Variants in SCAF4 observed in about 807,000 individuals in gnomAD.
The protein encoded by SCAF4 is SR-related CTD associated factor 4.
SCAF4 carries 25 observed loss-of-function variants against 129.8 expected under a neutral mutation model. That is an observed-to-expected ratio of 0.19 (90% CI 0.14 to 0.27). The LOEUF (loss-of-function observed/expected upper bound fraction) is 0.27, where lower values mean the gene tolerates loss of function less well. Among genes scored for constraint, SCAF4 ranks in the 10% least tolerant of loss-of-function variants. The pLI, the probability that SCAF4 is intolerant of heterozygous loss-of-function variation, is 1.00. For missense variants in SCAF4, 1,246 were observed against 1,457.1 expected (o/e 0.86, Z 2.36); for synonymous variants, 551 against 497.7 (o/e 1.11, Z -1.43).
Position 31,690,859 on chromosome 21 carries a change from T to C in SCAF4, c.1823A>G (p.Lys608Arg). The C allele has an allele frequency of 3.1e-6, 5 of 1,614,010 alleles. No homozygotes were observed. The highest frequency in any genetic ancestry group is 4.2e-6 in the Non-Finnish European group (5 of 1,179,890). The change falls in exon 15 of 20, where the codon AAG (lysine) becomes AGG (arginine). Residue 608 changes from lysine (K) to arginine (R), a missense_variant. Transcript: ENST00000286835. ...ACAAAAACTCTCCAGTTCCTCAGGCTTGACTTTGTCCCATGGAATATAAGT... is the reference window on the plus strand; with the variant it reads ...ACAAAAACTCTCCAGTTCCTCAGGCCTGACTTTGTCCCATGGAATATAAGT... ...GVTYIPWDKV[K>R]PEELESFCEG...
Position 31,696,682 on chromosome 21 carries a change from G to A in SCAF4, c.846C>T (p.Thr282=). 1 of 1,613,812 alleles carries A rather than the reference G, an allele frequency of 6.2e-7. No individual in the cohort carries two copies. The highest frequency in any genetic ancestry group is 1.1e-5 in the South Asian group (1 of 91,072). ...CAGGTGCTGTCGTGGTGACGGCAGT[G>A]GTATCCTCTTTCTTTGATTCTTCCA... ...EAVEESKKED[T]TAVTTTAPAA... The change falls in exon 8 of 20, where the codon ACC becomes ACT. Residue 282 remains threonine, a synonymous_variant. Coordinates refer to ENST00000286835, the MANE Select transcript of SCAF4 (RefSeq NM_020706.2).
At chr21:31,695,970 A>G (rs1308405505) in intron 9 of SCAF4, 143 bp downstream of exon 9, 1 of 511,464 alleles carries the variant, frequency 2.0e-6, no homozygotes, top group African/African-American at 1.9e-5. Flanking sequence ...AAGCAACTCA[A>G]AATAGTTACG....
At chr21:31,709,658 G>C (rs1180743137) in intron 1 of SCAF4, among the ~76,000 whole-genome samples, 1 of 152,122 alleles carries the variant, frequency 6.6e-6, no homozygotes, top group African/African-American at 2.4e-5. Context: ...AGACCAGCAA[G>C]AGAACAGTCA....
At chr21:31,682,473 T>C (rs1417250523) in intron 19 of SCAF4, among the ~76,000 whole-genome samples, 2 of 152,190 alleles carry the variant, frequency 1.3e-5, no homozygotes, top group Non-Finnish European at 2.9e-5. Context: ...CAAAAGATAT[T>C]CTTCTCTAGG....
chr21:31,717,902 TATACACACAC>T (rs1182382308), intron 1 of SCAF4, among the ~76,000 whole-genome samples: 52 of 95,604 alleles, frequency 5.4e-4, no homozygotes, highest in South Asian at 2.4e-3. Context: ...TATACACATA[TATACACACAC>T]ACACACACAC....
intron 19 of SCAF4, 83 bp downstream of exon 19, chr21:31,684,966 T>A (rs568263125): frequency 8.0e-5 from 45 of 559,166 alleles, no homozygotes; most frequent in East Asian, 4.9e-4. Flanking sequence ...ATTGTTTTTT[T>A]AAAAAAATCT....
intron 7 of SCAF4, among the ~76,000 whole-genome samples, chr21:31,698,772 T>G (rs535891375): frequency 1.3e-5 from 2 of 152,236 alleles, no homozygotes; most frequent in Non-Finnish European, 2.9e-5. Flanking sequence ...GTTTTTAGTC[T>G]GCTATCCTGC....
chr21:31,704,042 A>C, intron 3 of SCAF4, 116 bp from the exon 4 acceptor site: 3 of 567,934 alleles, frequency 5.3e-6, no homozygotes, highest in Non-Finnish European at 9.1e-6. Flanking sequence ...TTTTGTTTAA[A>C]AACTACTTGA....
chr21:31,673,826 A>T (rs1908153077), intron 19 of SCAF4, among the ~76,000 whole-genome samples: 1 of 152,210 alleles, frequency 6.6e-6, no homozygotes, highest in Admixed American at 6.5e-5. Flanking sequence ...ACCTGAAACA[A>T]ACTGAACTTT....
intron 19 of SCAF4, among the ~76,000 whole-genome samples, chr21:31,675,551 A>G (rs913920394): frequency 1.3e-5 from 2 of 152,192 alleles, no homozygotes; most frequent in African/African-American, 4.8e-5. Context: ...TGCAGCTGTC[A>G]ACGCAAGATC....
intron 1 of SCAF4, among the ~76,000 whole-genome samples, chr21:31,717,900 TATATACACACACAC>T (rs1310042959): frequency 9.2e-4 from 72 of 78,646 alleles, no homozygotes; most frequent in African/African-American, 3.2e-3. Context: ...TATATACACA[TATATACACACACAC>T]ACACACACAC....
intron 1 of SCAF4, 91 bp from the exon 2 acceptor site, chr21:31,706,448 A>C: frequency 1.2e-6 from 1 of 849,124 alleles, no homozygotes; most frequent in Non-Finnish European, 1.9e-6. Flanking sequence ...ACCACTTGGA[A>C]AATACAAACG....
chr21:31,697,555 A>G (rs1397842737), intron 7 of SCAF4, among the ~76,000 whole-genome samples: 1 of 152,230 alleles, frequency 6.6e-6, no homozygotes, highest in Non-Finnish European at 1.5e-5. Flanking sequence ...TGGTAGAATC[A>G]GGATGCGGAC....
chr21:31,702,446 A>T, intron 4 of SCAF4, 67 bp from the exon 5 acceptor site: 1 of 1,404,548 alleles, frequency 7.1e-7, no homozygotes, highest in Non-Finnish European at 9.8e-7. Context: ...TACTCTTACA[A>T]AAAAAAGAGA....
chr21:31,700,358 G>A (rs906604526), intron 7 of SCAF4, among the ~76,000 whole-genome samples: 1 of 151,842 alleles, frequency 6.6e-6, no homozygotes, highest in African/African-American at 2.4e-5. Flanking sequence ...CTCCGTTCTC[G>A]ACCTCCCAAA....
chr21:31,682,152 C>T (rs756762679), intron 19 of SCAF4, among the ~76,000 whole-genome samples: 16 of 152,038 alleles, frequency 1.1e-4, no homozygotes, highest in Non-Finnish European at 1.8e-4. Flanking sequence ...AGGCCAGGTG[C>T]GGTGGCTCAC....
chr21:31,717,951 A>G (rs1328816546), intron 1 of SCAF4, among the ~76,000 whole-genome samples: 5 of 145,016 alleles, frequency 3.4e-5, no homozygotes, highest in Non-Finnish European at 6.0e-5. Context: ...ACACACATAT[A>G]TATTTTTTTG....
At position 31,697,529 on chromosome 21, in the gene SCAF4, T is replaced by C. The variant is rs562947024; in HGVS notation, c.778-779A>G. ...AGGTGATTAAGAAACATGATTAAGA[T>C]TGCACAGTCAGTGAATGGTAGAATC... On this transcript the variant is annotated intron_variant, in intron 7 of 19. Transcript: ENST00000286835. 2.7e-3 allele frequency among the ~76,000 whole-genome samples: 406 copies of C among 152,332 alleles called. 3 individuals carry two copies. Among genetic ancestry groups the C allele is most frequent in the South Asian group, 0.017 (84 of 4,822 alleles).
At chr21:31,695,014 C>T in intron 9 of SCAF4, 34 bp from the exon 10 acceptor site, 1 of 1,551,482 alleles carries the variant, frequency 6.4e-7, no homozygotes, top group Non-Finnish European at 8.8e-7. Flanking sequence ...TGAGTAATAG[C>T]TATCAAAATA....
Sources: gnomAD v4.1 joint callset for allele counts (sites outside exome capture counted in the v4.1 genomes callset) on GRCh38, gnomAD v4.1.1 for gene constraint, MANE v1.5 for transcripts, NCBI Gene and HGNC (gene_info 2026-07-23, HGNC 2026-07-21) for gene names.